UBASH3B: variants seen among roughly 807,000 people sequenced by gnomAD.
UBASH3B encodes the protein ubiquitin associated and SH3 domain containing B, also known as ubiquitin-associated and SH3 domain-containing protein B.
A neutral mutation model predicts 83.4 loss-of-function variants in UBASH3B; 37 were observed. That is an observed-to-expected ratio of 0.44 (90% CI 0.34 to 0.58). The LOEUF is 0.58. Ranked by LOEUF, UBASH3B falls within the 20% of genes least tolerant of loss-of-function variation. The probability of loss-of-function intolerance (pLI) is 0.01; values close to 1 mark genes in which losing one functional copy is unlikely to be tolerated. For missense variants in UBASH3B, 657 were observed against 827.2 expected, an observed-to-expected ratio of 0.79 and a Z score of 2.52; for synonymous variants, 304 against 318.3, an observed-to-expected ratio of 0.96 and a Z score of 0.48.
At chr11:122,768,846 C>T (rs1335589799) in intron 1 of UBASH3B, among the ~76,000 whole-genome samples, 1 of 152,100 alleles carries the variant, frequency 6.6e-6, no homozygotes, top group South Asian at 2.1e-4. Flanking sequence ...AACATCTGAC[C>T]CTCTCAAGAT....
rs1863351366 is a variant in UBASH3B at position 122,655,896 on chromosome 11, A to T, written c.-154A>T. The T allele has an allele frequency of 2.4e-6, 2 of 823,890 alleles. No homozygotes were observed. Among genetic ancestry groups the T allele is most frequent in the Non-Finnish European group, 3.5e-6 (2 of 570,084 alleles). 51.0% of individuals were successfully genotyped at this position (823,890 alleles called of 1,614,324 possible). On this transcript the variant is annotated 5_prime_UTR_variant, in exon 1 of 14. Transcript: ENST00000284273. ...CTCACCAGGAAGCGTCAGAGTCCCG[A>T]CACTGGGGAAGCTCGGAGCGCCGCC...
intron 1 of UBASH3B, among the ~76,000 whole-genome samples, chr11:122,691,593 C>A (rs1863898722): frequency 6.6e-6 from 1 of 152,222 alleles, no homozygotes; most frequent in Non-Finnish European, 1.5e-5. Flanking sequence ...GGCTTAAAAT[C>A]TTTATTGAAA....
At chr11:122,734,495 G>A (rs1178594468) in intron 1 of UBASH3B, among the ~76,000 whole-genome samples, 2 of 152,098 alleles carry the variant, frequency 1.3e-5, no homozygotes, top group Admixed American at 1.3e-4. Flanking sequence ...CCACTAGGGT[G>A]GGAACTGGCT....
At chr11:122,761,742 G>T (rs1234299236) in intron 1 of UBASH3B, among the ~76,000 whole-genome samples, 1 of 140,330 alleles carries the variant, frequency 7.1e-6, no homozygotes, top group East Asian at 2.2e-4. Context: ...TCTGCAACCT[G>T]AAATCACTCT....
chr11:122,661,094 T>C (rs1395314871), intron 1 of UBASH3B, among the ~76,000 whole-genome samples: 2 of 152,102 alleles, frequency 1.3e-5, no homozygotes, highest in Non-Finnish European at 2.9e-5. Context: ...TTGTGTTGGA[T>C]TGCAAGAAGG....
intron 4 of UBASH3B, among the ~76,000 whole-genome samples, chr11:122,780,606 C>G (rs570446865): frequency 2.0e-5 from 3 of 152,330 alleles, no homozygotes; most frequent in African/African-American, 7.2e-5. Context: ...CCCGGCCAGG[C>G]CCTGTGTAAC....
At chr11:122,735,999 G>C (rs1242576866) in intron 1 of UBASH3B, among the ~76,000 whole-genome samples, 1 of 152,144 alleles carries the variant, frequency 6.6e-6, no homozygotes, top group Non-Finnish European at 1.5e-5. Context: ...CAATGTGGAT[G>C]GTGTATAAAA....
intron 1 of UBASH3B, among the ~76,000 whole-genome samples, chr11:122,706,911 C>T (rs1208276234): frequency 1.3e-5 from 2 of 152,112 alleles, no homozygotes; most frequent in Non-Finnish European, 2.9e-5. Flanking sequence ...GACTTTGGAC[C>T]TAAATTCTGT....
chr11:122,761,457 A>G (rs1462975904), intron 1 of UBASH3B, among the ~76,000 whole-genome samples: 6 of 152,166 alleles, frequency 3.9e-5, no homozygotes, highest in Non-Finnish European at 8.8e-5. Context: ...GGTGAGAGTG[A>G]GACACCAACT....
intron 1 of UBASH3B, among the ~76,000 whole-genome samples, chr11:122,730,319 C>A (rs943086456): frequency 6.6e-6 from 1 of 152,136 alleles, no homozygotes; most frequent in African/African-American, 2.4e-5. Flanking sequence ...TGAACAATTG[C>A]ACTCACATTG....
Position 122,789,298 on chromosome 11 carries a change from A to G in UBASH3B, c.970A>G (p.Ile324Val). ...CAAGGCTGATGAATGCAGCACCTGG[A>G]TATTTCATGGGTAAGCAGACACAAA... ...ITKADECSTWIFHGSYSILNT... is the reference protein window; with the variant it reads ...ITKADECSTWVFHGSYSILNT... The change falls in exon 6 of 14, where the codon ATA (isoleucine) becomes GTA (valine). Residue 324 changes from isoleucine (I) to valine (V), a missense_variant. This residue lies in a region of UBASH3B where 573 missense variants were observed against 739.0 expected (regional missense o/e 0.78). Transcript: ENST00000284273. The G allele has an allele frequency of 6.2e-7, 1 of 1,614,204 alleles. No homozygotes were observed. Among genetic ancestry groups the G allele is most frequent in the Non-Finnish European group, 8.5e-7 (1 of 1,180,022 alleles).
At chr11:122,804,963 G>A (rs1266595128) in intron 11 of UBASH3B, among the ~76,000 whole-genome samples, 1 of 152,186 alleles carries the variant, frequency 6.6e-6, no homozygotes, top group Non-Finnish European at 1.5e-5. Flanking sequence ...AAGGGCATTG[G>A]TGACTGGGTT....
At chr11:122,748,664 A>T (rs1306251803) in intron 1 of UBASH3B, among the ~76,000 whole-genome samples, 3 of 152,176 alleles carry the variant, frequency 2.0e-5, no homozygotes, top group Non-Finnish European at 4.4e-5. Context: ...GAAGATTGTG[A>T]ACCCAGAACA....
At chr11:122,693,470 T>C (rs539582713) in intron 1 of UBASH3B, among the ~76,000 whole-genome samples, 1 of 152,246 alleles carries the variant, frequency 6.6e-6, no homozygotes, top group African/African-American at 2.4e-5. Flanking sequence ...AGTTGACCAG[T>C]TGGAGGAAAA....
At chr11:122,691,963 G>A (rs1863903224) in intron 1 of UBASH3B, among the ~76,000 whole-genome samples, 1 of 152,172 alleles carries the variant, frequency 6.6e-6, no homozygotes, top group African/African-American at 2.4e-5. Context: ...GAGGGCGGTA[G>A]GTCAGACAGG....
At chr11:122,765,763 C>T (rs1235197809) in intron 1 of UBASH3B, among the ~76,000 whole-genome samples, 1 of 152,182 alleles carries the variant, frequency 6.6e-6, no homozygotes, top group African/African-American at 2.4e-5. Context: ...AGCCTCATGC[C>T]TGGGAGCTCA....
intron 1 of UBASH3B, among the ~76,000 whole-genome samples, chr11:122,658,379 A>G (rs573696694): frequency 4.6e-5 from 7 of 152,182 alleles, no homozygotes; most frequent in African/African-American, 1.7e-4. Flanking sequence ...TTAAAGGGAC[A>G]TCTTTTCTCC....
chr11:122,729,845 G>T (rs1860809799), intron 1 of UBASH3B, among the ~76,000 whole-genome samples: 1 of 145,246 alleles, frequency 6.9e-6, no homozygotes, highest in Non-Finnish European at 1.5e-5. Context: ...CAGGCAGTTA[G>T]CTTCGTACCT....
intron 1 of UBASH3B, among the ~76,000 whole-genome samples, chr11:122,757,112 G>T (rs532304438): frequency 6.6e-6 from 1 of 152,110 alleles, no homozygotes; most frequent in Non-Finnish European, 1.5e-5. Flanking sequence ...TTGCCTACAC[G>T]CACATGCACT....
Sources: gnomAD v4.1 joint callset for allele counts (sites outside exome capture counted in the v4.1 genomes callset) on GRCh38, gnomAD v4.1.1 for gene constraint, gnomAD v4.1.1 regional missense constraint, MANE v1.5 for transcripts, NCBI Gene and HGNC (gene_info 2026-07-23, HGNC 2026-07-21) for gene names.